The following GATAD2A variants were observed in gnomAD, a reference collection of about 807,000 sequenced individuals.
GATAD2A encodes the protein GATA zinc finger domain containing 2A.
GATAD2A carries 12 observed loss-of-function variants against 68.5 expected under a neutral mutation model. That is an observed-to-expected ratio of 0.18 (90% confidence interval 0.11 to 0.28). GATAD2A has a LOEUF of 0.28. GATAD2A is among the 10% of genes least tolerant of loss of function. The pLI is 1.00. For synonymous variants in GATAD2A, 410 were observed against 375.3 expected (o/e 1.09, Z -1.07); for missense variants, 755 against 868.5 (o/e 0.87, Z 1.64).
intron 2 of GATAD2A, among the ~76,000 whole-genome samples, chr19:19,484,437 A>C (rs1201316669): frequency 6.6e-6 from 1 of 152,116 alleles, no homozygotes; most frequent in Non-Finnish European, 1.5e-5. Context: ...TGTCTCTAAA[A>C]AAAGAAGTTG....
At chr19:19,406,451 C>G (rs1362665595) in intron 1 of GATAD2A, among the ~76,000 whole-genome samples, 1 of 147,090 alleles carries the variant, frequency 6.8e-6, no homozygotes, top group African/African-American at 2.5e-5. Context: ...CGCTGAACCC[C>G]GCGGCGGCGG....
chr19:19,500,554 A>C (rs919136688), intron 8 of GATAD2A, among the ~76,000 whole-genome samples: 1 of 152,204 alleles, frequency 6.6e-6, no homozygotes, highest in Non-Finnish European at 1.5e-5. Flanking sequence ...GAGACTATGC[A>C]TTCTGTCCCC....
rs1489349417 is a variant in GATAD2A, at chr19:19,465,481, A to G, written c.136A>G (p.Met46Val). The change falls in exon 2 of 12, where the codon ATG becomes GTG. Residue 46 changes from methionine to valine, a missense_variant. Met to Val is a conservative substitution (Grantham distance 21). Transcript: ENST00000683918. ...LASDLNTDGD[M>V]RVTPEPGAGP... is the part of the protein sequence containing the mutation. ...TTCAGATTTAAACACTGACGGAGAC[A>G]TGAGGGTGACACCTGAGCCGGGAGC... 27 of 1,613,936 alleles carry G rather than the reference A, an allele frequency of 1.7e-5. No individual in the cohort carries two copies. Among genetic ancestry groups the G allele is most frequent in the African/African-American group, 2.7e-5 (2 of 74,956 alleles).
chr19:19,398,385 G>A (rs1372398116), intron 1 of GATAD2A, among the ~76,000 whole-genome samples: 1 of 151,822 alleles, frequency 6.6e-6, no homozygotes, highest in Non-Finnish European at 1.5e-5. Context: ...TGCATTTTTA[G>A]TAGAGACGGG....
intron 1 of GATAD2A, among the ~76,000 whole-genome samples, chr19:19,453,680 ATT>A (rs36010983): frequency 1.4e-5 from 2 of 143,098 alleles, no homozygotes; most frequent in Admixed American, 1.4e-4. Flanking sequence ...TTTTTTTAAA[ATT>A]TTTTTTTTTT....
chr19:19,492,175 G>C (rs2059839025), intron 2 of GATAD2A, 131 bp from the exon 3 acceptor site: 1 of 933,552 alleles, frequency 1.1e-6, no homozygotes, highest in Non-Finnish European at 1.6e-6. Context: ...GGGCAGGGCA[G>C]GGGATGTGGA....
intron 1 of GATAD2A, among the ~76,000 whole-genome samples, chr19:19,446,514 AC>A (rs2055740183): frequency 6.6e-6 from 1 of 151,778 alleles, no homozygotes; most frequent in Non-Finnish European, 1.5e-5. Context: ...TGCCCTTTGC[AC>A]AAAAGATTTT....
intron 1 of GATAD2A, among the ~76,000 whole-genome samples, chr19:19,441,925 G>C (rs1049808108): frequency 1.3e-5 from 2 of 151,762 alleles, no homozygotes; most frequent in Non-Finnish European, 2.9e-5. Context: ...GCAATGGCAC[G>C]ATCTCGGCTC....
At chr19:19,444,686 C>A (rs900419408) in intron 1 of GATAD2A, among the ~76,000 whole-genome samples, 4 of 152,054 alleles carry the variant, frequency 2.6e-5, no homozygotes, top group African/African-American at 9.7e-5. Context: ...CCCTAGGCAA[C>A]ATGGCGAGAC....
intron 2 of GATAD2A, among the ~76,000 whole-genome samples, chr19:19,481,471 C>T (rs1418191392): frequency 6.6e-6 from 1 of 152,206 alleles, no homozygotes; most frequent in Non-Finnish European, 1.5e-5. Flanking sequence ...GCTGGGACTA[C>T]AGGTGCTTGC....
chr19:19,414,782 A>C (rs1600058820), intron 1 of GATAD2A, among the ~76,000 whole-genome samples: 1 of 128,148 alleles, frequency 7.8e-6, no homozygotes, highest in African/African-American at 3.0e-5. Context: ...TGATTTGCCC[A>C]CCTTGGCCTC....
chr19:19,486,926 T>A (rs964411618), intron 2 of GATAD2A, among the ~76,000 whole-genome samples: 4 of 152,196 alleles, frequency 2.6e-5, no homozygotes, highest in Admixed American at 2.6e-4. Context: ...CCCAGGTGTC[T>A]TCTAGCTCAC....
chr19:19,500,608 C>T (rs2060464310), intron 8 of GATAD2A, among the ~76,000 whole-genome samples: 1 of 152,230 alleles, frequency 6.6e-6, no homozygotes, highest in Non-Finnish European at 1.5e-5. Flanking sequence ...AGCCTGCTGC[C>T]CACCTTGTGC....
intron 1 of GATAD2A, chr19:19,440,223 T>TG (rs2054848397): frequency 6.8e-6 from 2 of 293,434 alleles, no homozygotes; most frequent in Non-Finnish European, 6.7e-6. Flanking sequence ...TAAGGAAAGG[T>TG]GGGGGGATTT....
At position 19,505,854 on chromosome 19, in the gene GATAD2A, A is replaced by G; in HGVS notation, c.*380A>G. 1 of 404,886 alleles carries G rather than the reference A, an allele frequency of 2.5e-6. No homozygotes were observed. Among genetic ancestry groups the G allele is most frequent in the East Asian group, 3.6e-5 (1 of 28,084 alleles). 25.1% of individuals were successfully genotyped at this position (404,886 alleles called of 1,614,324 possible). ...GCTCACCCTGGACACTGTGATGCGCATGGGCAAGGCCAGCGCCCGGGGCTT... is the reference window on the plus strand; with the variant it reads ...GCTCACCCTGGACACTGTGATGCGCGTGGGCAAGGCCAGCGCCCGGGGCTT... On this transcript the variant is annotated 3_prime_UTR_variant, in exon 12 of 12. Transcript: ENST00000683918.
rs1031000578 is a variant in GATAD2A at position 19,502,406 on chromosome 19, C to T, written c.1654C>T (p.Leu552=). The change falls in exon 11 of 12, where the codon CTG becomes TTG. Residue 552 remains leucine (L), a synonymous_variant. Transcript: ENST00000683918. Reference sequence around the variant, plus strand: ...GCACACGTTCAGTCCGTCACCCAAACTGCAGAACTCAGCCTCGGCCACAGC... The same window carrying T: ...GCACACGTTCAGTCCGTCACCCAAATTGCAGAACTCAGCCTCGGCCACAGC... ...VLHTFSPSPK[L]QNSASATALV... The T allele has an allele frequency of 6.2e-7, 1 of 1,613,740 alleles. No individual in the cohort carries two copies.
At position 19,475,512 on chromosome 19, in the gene GATAD2A, C is replaced by T. The variant is rs558027332; in HGVS notation, c.269+9898C>T. Among the ~76,000 whole-genome samples the T allele has an allele frequency of 2.6e-5, 4 of 152,116 alleles. No homozygotes were observed. The South Asian group carries it at 6.2e-4, about 24-fold the overall frequency. ...CCCCCCTCCACTGCCCCAGCCCCTCCCCAGCACCTGTTGAGGGCTGGCTGC... is the reference window on the plus strand; with the variant it reads ...CCCCCCTCCACTGCCCCAGCCCCTCTCCAGCACCTGTTGAGGGCTGGCTGC... On this transcript the variant is annotated intron_variant, in intron 2 of 11. Coordinates refer to ENST00000683918, the MANE Select transcript of GATAD2A (RefSeq NM_001384528.1).
upstream of GATAD2A, among the ~76,000 whole-genome samples, chr19:19,401,375 A>G (rs2049732947): frequency 6.6e-6 from 1 of 151,756 alleles, no homozygotes; most frequent in Non-Finnish European, 1.5e-5. Context: ...CACCATGCAC[A>G]GCTAATTTTT....
At chr19:19,470,998 G>C (rs1268025967) in intron 2 of GATAD2A, among the ~76,000 whole-genome samples, 1 of 152,200 alleles carries the variant, frequency 6.6e-6, no homozygotes. Flanking sequence ...GCTCACGCCT[G>C]TAATCCCAGC....
Sources: allele counts gnomAD v4.1 joint callset (sites outside exome capture counted in the v4.1 genomes callset), GRCh38; gene constraint gnomAD v4.1.1; transcripts MANE v1.5; gene names NCBI Gene and HGNC (gene_info 2026-07-23, HGNC 2026-07-21).